Variants in PNMA2 observed in about 807,000 individuals in gnomAD.
PNMA2 encodes PNMA family member 2, also known as paraneoplastic antigen Ma2.
For synonymous variants in PNMA2, 175 were observed against 183.5 expected, an observed-to-expected ratio of 0.95 and a Z score of 0.38; for missense variants, 455 against 452.9, an observed-to-expected ratio of 1.00 and a Z score of -0.04.
In PNMA2 at chr8:26,504,989, C is replaced by T. The variant is rs1451739654; in HGVS notation, c.*2672G>A. On this transcript the variant is annotated 3_prime_UTR_variant, in exon 3 of 3. Coordinates refer to ENST00000522362, the MANE Select transcript of PNMA2 (RefSeq NM_007257.6). Reference sequence around the variant, plus strand: ...ATAAGTAATTATTTAAAAGTCAAACCTCTAACAATTGTCAACAACTGCTGG... The same window carrying T: ...ATAAGTAATTATTTAAAAGTCAAACTTCTAACAATTGTCAACAACTGCTGG... 1 of 152,212 alleles carries T rather than the reference C, an allele frequency of 6.6e-6. No homozygotes were observed. Among genetic ancestry groups the T allele is most frequent in the East Asian group, 1.9e-4 (1 of 5,202 alleles). The allele number at this position is 152,212 out of a possible 1,614,324, so 9.4% of individuals were successfully genotyped here.
At chr8:26,510,513 G>A (rs1019857412) in intron 1 of PNMA2, among the ~76,000 whole-genome samples, 8 of 42,594 alleles carry the variant, frequency 1.9e-4, no homozygotes, top group African/African-American at 2.5e-4. Flanking sequence ...GTGTAAACAC[G>A]GCTCACTGTA....
chr8:26,513,474 C>A (rs1808208983), intron 1 of PNMA2, among the ~76,000 whole-genome samples: 1 of 151,828 alleles, frequency 6.6e-6, no homozygotes, highest in South Asian at 2.1e-4. Context: ...CTGCTCCCTG[C>A]AGCCTGCCAA....
Position 26,507,949 on chromosome 8 carries a change from C to T in PNMA2, c.807G>A (p.Val269=). Residue 269 remains valine (V), a synonymous_variant, in exon 3 of 3, where the codon GTG becomes GTA. Transcript: ENST00000522362. Reference sequence around the variant, plus strand: ...TCCGGAGCAGGGTTTCTAGCCGTAACACATAGGCTGAGACCTTCTCTCCTT... The same window carrying T: ...TCCGGAGCAGGGTTTCTAGCCGTAATACATAGGCTGAGACCTTCTCTCCTT... ...QEEGEKVSAY[V]LRLETLLRRA... The T allele has an allele frequency of 1.2e-6, 2 of 1,614,168 alleles. No homozygotes were observed. Among genetic ancestry groups the T allele is most frequent in the African/African-American group, 1.3e-5 (1 of 75,082 alleles).
intron 1 of PNMA2, among the ~76,000 whole-genome samples, chr8:26,510,924 G>C (rs1199499392): frequency 1.3e-5 from 2 of 152,158 alleles, no homozygotes; most frequent in Non-Finnish European, 2.9e-5. Context: ...AAGCCAAGGC[G>C]GGTAGATCAC....
chr8:26,504,978 A>G lies in PNMA2; in HGVS notation c.*2683T>C, dbSNP rs1808024128. The G allele has an allele frequency of 6.6e-6, 1 of 152,332 alleles. No homozygotes were observed. The highest frequency in any genetic ancestry group is 1.5e-5 in the Non-Finnish European group (1 of 68,116). The allele number at this position is 152,332 out of a possible 1,614,324, so 9.4% of individuals were successfully genotyped here. A position where few individuals can be genotyped will look rare whatever the true frequency, so the allele number is the denominator to read the frequency against. On this transcript the variant is annotated 3_prime_UTR_variant, in exon 3 of 3. Coordinates refer to ENST00000522362, the MANE Select transcript of PNMA2 (RefSeq NM_007257.6). ...AATCAGAAAAAATAAGTAATTATTTAAAAGTCAAACCTCTAACAATTGTCA... is the reference window on the plus strand; with the variant it reads ...AATCAGAAAAAATAAGTAATTATTTGAAAGTCAAACCTCTAACAATTGTCA...
intron 1 of PNMA2, chr8:26,513,114 C>CTTTTTTTT (rs762812937): frequency 4.0e-5 from 5 of 125,064 alleles, no homozygotes; most frequent in African/African-American, 1.4e-4. Flanking sequence ...TTTTTTCTCT[C>CTTTTTTTT]TTTTTTTTTT....
Position 26,509,188 on chromosome 8 carries a change from C to T in PNMA2, c.-433G>A, listed in dbSNP as rs972979503. The T allele has an allele frequency of 5.8e-6, 1 of 173,184 alleles. No individual in the cohort carries two copies. Among genetic ancestry groups the T allele is most frequent in the East Asian group, 1.8e-4 (1 of 5,412 alleles). The allele number at this position is 173,184 out of a possible 1,614,324, so 10.7% of individuals were successfully genotyped here. ...CTCCAGTTGATGGGAAAATGCCTTC[C>T]ACTCTGGGACCCAGAACTCTTGAAG... On this transcript the variant is annotated 5_prime_UTR_variant, in exon 3 of 3. Transcript: ENST00000522362. The surrounding 1 kb of genome is among the most constrained non-coding windows in gnomAD (Gnocchi z 5.7).
rs997801719 is a variant in PNMA2, at chr8:26,506,846, C to G, written c.*815G>C. 3 of 152,230 alleles carry G rather than the reference C, an allele frequency of 2.0e-5. No individual in the cohort carries two copies. Among genetic ancestry groups the G allele is most frequent in the Admixed American group, 6.5e-5 (1 of 15,288 alleles). The allele number at this position is 152,230 out of a possible 1,614,324, so 9.4% of individuals were successfully genotyped here. A position where few individuals can be genotyped will look rare whatever the true frequency, so the allele number is the denominator to read the frequency against. ...TTGTAACTCCTTGTACAGTGTCTCA[C>G]AAAGCCAGGCACTCAGAGAGAATTT... On this transcript the variant is annotated 3_prime_UTR_variant, in exon 3 of 3. Transcript: ENST00000522362. This position sits in a 1 kb window ranked among gnomAD's most constrained non-coding sequence, Gnocchi z 4.4.
In PNMA2 at chr8:26,506,236, A is replaced by G. The variant is rs1403771246; in HGVS notation, c.*1425T>C. On this transcript the variant is annotated 3_prime_UTR_variant, in exon 3 of 3. Coordinates refer to ENST00000522362, the MANE Select transcript of PNMA2 (RefSeq NM_007257.6). This position sits in a 1 kb window ranked among gnomAD's most constrained non-coding sequence, Gnocchi z 4.4. ...CTTTCTCTTTATAAAGAGCAAAATT[A>G]TACCACAACAGGGTGGCTGTATACA... 3.3e-5 allele frequency: 5 copies of G among 152,172 alleles called. No homozygotes were observed. The highest frequency in any genetic ancestry group is 1.9e-4 in the East Asian group (1 of 5,202). The allele number at this position is 152,172 out of a possible 1,614,324, so 9.4% of individuals were successfully genotyped here. A position where few individuals can be genotyped will look rare whatever the true frequency, so the allele number is the denominator to read the frequency against.
In PNMA2 at chr8:26,508,079, G is replaced by A. The variant is rs1413373928; in HGVS notation, c.677C>T (p.Pro226Leu). The A allele has an allele frequency of 3.7e-6, 6 of 1,614,104 alleles. No individual in the cohort carries two copies. The African/African-American group carries it at 4.0e-5, about 11-fold the overall frequency. Reference protein sequence around the residue: ...DLMHIVQADNPSISVEECLEA... With the variant: ...DLMHIVQADNLSISVEECLEA... The stretch of plus-strand genomic sequence containing the variant: ...CAAACACTCTTCTACACTGATGGAC[G>A]GGTTGTCTGCCTGCACTATGTGCAT... The change falls in exon 3 of 3, where the codon CCG (proline) becomes CTG (leucine). Residue 226 changes from proline (P) to leucine (L), a missense_variant. By Grantham distance (98) the Pro-to-Leu change is moderately conservative. Coordinates refer to ENST00000522362, the MANE Select transcript of PNMA2 (RefSeq NM_007257.6). The surrounding 1 kb of genome is among the most constrained non-coding windows in gnomAD (Gnocchi z 5.5).
chr8:26,508,374 C>T lies in PNMA2; in HGVS notation c.382G>A (p.Gly128Ser), dbSNP rs781448349. The T allele has an allele frequency of 1.2e-6, 2 of 1,614,078 alleles. No individual in the cohort carries two copies. Among genetic ancestry groups the T allele is most frequent in the African/African-American group, 2.7e-5 (2 of 74,948 alleles). Residue 128 changes from glycine (G) to serine (S), a missense_variant, in exon 3 of 3, where the codon GGC (glycine) becomes AGC (serine). By Grantham distance (56) the Gly-to-Ser change is moderately conservative. Transcript: ENST00000522362. The surrounding 1 kb of genome is among the most constrained non-coding windows in gnomAD (Gnocchi z 5.5). ...CAGGGCACTGTGGCTGGAGACACGC[C>T]CTCCTGCCCCAGGGCTCGAAACATA... is the stretch of plus-strand genomic sequence containing the variant. ...SGMFRALGQE[G>S]VSPATVPCIS...
Position 26,507,749 on chromosome 8 carries a change from T to G in PNMA2, c.1007A>C (p.Glu336Ala). 1.2e-6 allele frequency: 2 copies of G among 1,612,866 alleles called. No homozygotes were observed. The highest frequency in any genetic ancestry group is 3.3e-4 in the Middle Eastern group (2 of 6,054). ...ELMKVIREEEEEEASFENESI... is the reference protein window; with the variant it reads ...ELMKVIREEEAEEASFENESI... ...CTCATTCTCAAAGGAGGCCTCTTCC[T>G]CCTCTTCTTCCCGTATTACCTTCAT... is the stretch of plus-strand genomic sequence containing the variant. Residue 336 changes from glutamate (E) to alanine (A), a missense_variant, in exon 3 of 3, where the codon GAG (glutamate) becomes GCG (alanine). Glu to Ala is a moderately radical substitution (Grantham distance 107). Coordinates refer to ENST00000522362, the MANE Select transcript of PNMA2 (RefSeq NM_007257.6).
In PNMA2 at chr8:26,507,528, AAGGG is replaced by A. The variant is rs1585477614; in HGVS notation, c.*129_*132del. On this transcript the variant is annotated 3_prime_UTR_variant, in exon 3 of 3. Coordinates refer to ENST00000522362, the MANE Select transcript of PNMA2 (RefSeq NM_007257.6). ...AGGAGGAGAGAAGGAGAGAAGGAGG[AAGGG>A]AGGGAAGGAAGGAAGGAAGGAAGGT... The A allele has an allele frequency of 1.3e-5, 9 of 699,902 alleles. No homozygotes were observed. The East Asian group carries it at 1.9e-4, about 15-fold the overall frequency. 43.4% of individuals were successfully genotyped at this position (699,902 alleles called of 1,614,324 possible). A position where few individuals can be genotyped will look rare whatever the true frequency, so the allele number is the denominator to read the frequency against.
At chr8:26,512,314 T>G (rs1585480425) in intron 1 of PNMA2, among the ~76,000 whole-genome samples, 1 of 152,206 alleles carries the variant, frequency 6.6e-6, no homozygotes, top group Non-Finnish European at 1.5e-5. Context: ...GCAAAGCACA[T>G]CTGCCGCTAA....
rs1415647188 is a variant in PNMA2, at chr8:26,507,795, G to T, written c.961C>A (p.Pro321Thr). 1 of 1,613,902 alleles carries T rather than the reference G, an allele frequency of 6.2e-7. No homozygotes were observed. The highest frequency in any genetic ancestry group is 1.1e-5 in the South Asian group (1 of 91,028). The change falls in exon 3 of 3, where the codon CCC becomes ACC. Residue 321 changes from proline (P) to threonine (T), a missense_variant. Pro to Thr is a conservative substitution (Grantham distance 38). Transcript: ENST00000522362. ...RLRELKDQGP[P>T]PSFLELMKVI... is the part of the protein sequence containing the mutation. ...TTCATTAGCTCAAGGAAGCTGGGGG[G>T]CGGGCCCTGATCCTTCAGCTCCCTA...
rs968435294 is a variant in PNMA2 at position 26,513,834 on chromosome 8, CA to C, written c.-638del. 21 of 153,002 alleles carry C rather than the reference CA, an allele frequency of 1.4e-4. No individual in the cohort carries two copies. Among genetic ancestry groups the C allele is most frequent in the African/African-American group, 4.3e-4 (18 of 41,620 alleles). 9.5% of individuals were successfully genotyped at this position (153,002 alleles called of 1,614,324 possible). Reference sequence around the variant, plus strand: ...TACTTACCCAGGCGCGGAGAGCGGTCAGCGGGCCCTCCGCTCCGCATCCATT... The same window carrying C: ...TACTTACCCAGGCGCGGAGAGCGGTCGCGGGCCCTCCGCTCCGCATCCATT... On this transcript the variant is annotated 5_prime_UTR_variant, in exon 1 of 3. It removes the in-frame stop codon of an upstream open reading frame in the 5' UTR. Transcript: ENST00000522362.
rs751915924 is a variant in PNMA2, at chr8:26,508,799, G to T, written c.-44C>A. 11 of 1,566,556 alleles carry T rather than the reference G, an allele frequency of 7.0e-6. No individual in the cohort carries two copies. Among genetic ancestry groups the T allele is most frequent in the East Asian group, 2.2e-5 (1 of 44,570 alleles). Reference sequence around the variant, plus strand: ...ACTCTGACTCTACAGGCACCAATTTGTTAGTGGTGCAGCTATGCACTGACT... The same window carrying T: ...ACTCTGACTCTACAGGCACCAATTTTTTAGTGGTGCAGCTATGCACTGACT... On this transcript the variant is annotated 5_prime_UTR_variant, in exon 3 of 3. Transcript: ENST00000522362. The surrounding 1 kb of genome is among the most constrained non-coding windows in gnomAD (Gnocchi z 5.5).
In PNMA2 at chr8:26,508,316, C is replaced by T; in HGVS notation, c.440G>A (p.Gly147Glu). The T allele has an allele frequency of 1.9e-6, 3 of 1,610,226 alleles. No homozygotes were observed. The highest frequency in any genetic ancestry group is 1.1e-5 in the South Asian group (1 of 90,498). Residue 147 changes from glycine to glutamate, a missense_variant, in exon 3 of 3, where the codon GGA becomes GAA. Physicochemically the swap from Gly to Glu is moderately conservative, Grantham distance 98. Transcript: ENST00000522362. The surrounding 1 kb of genome is among the most constrained non-coding windows in gnomAD (Gnocchi z 5.5). ...CTGAGGCGCATGTGCCATTGCCTGT[C>T]CCAACAAATGGGCCAGTAATTCTGG... ...ISPELLAHLL[G>E]QAMAHAPQPL...
rs1808115724 is a variant in PNMA2, at chr8:26,509,694, A to G, written c.-618-17T>C. 6.6e-6 allele frequency: 1 copy of G among 152,232 alleles called. No individual in the cohort carries two copies. Among genetic ancestry groups the G allele is most frequent in the South Asian group, 2.1e-4 (1 of 4,820 alleles). The allele number at this position is 152,232 out of a possible 1,614,324, so 9.4% of individuals were successfully genotyped here. A position where few individuals can be genotyped will look rare whatever the true frequency, so the allele number is the denominator to read the frequency against. ...CAAGCTGCTCTGTTACACATAAACA[A>G]TAAGAACAGGTATTTATGCTTCATT... On this transcript the variant is annotated splice_polypyrimidine_tract_variant and intron_variant, in intron 1 of 2. Coordinates refer to ENST00000522362, the MANE Select transcript of PNMA2 (RefSeq NM_007257.6). This position sits in a 1 kb window ranked among gnomAD's most constrained non-coding sequence, Gnocchi z 5.7.
Sources: gnomAD v4.1 joint callset for allele counts (sites outside exome capture counted in the v4.1 genomes callset) on GRCh38, gnomAD v4.1.1 for gene constraint, Gnocchi (gnomAD v3.1) non-coding constraint, MANE v1.5 for transcripts, NCBI Gene and HGNC (gene_info 2026-07-23, HGNC 2026-07-21) for gene names.